ASTN2: variants seen among roughly 807,000 people sequenced by gnomAD.
ASTN2 encodes the protein astrotactin 2.
ASTN2 carries 54 observed loss-of-function variants against 139.8 expected under a neutral mutation model. That is an observed-to-expected ratio of 0.39 (90% CI 0.31 to 0.48). The LOEUF (loss-of-function observed/expected upper bound fraction) is 0.48, where lower values mean the gene tolerates loss of function less well. Ranked by LOEUF, ASTN2 falls within the 20% of genes least tolerant of loss-of-function variation. The pLI is 0.95. For missense variants in ASTN2, 1,565 were observed against 1,725.1 expected, an observed-to-expected ratio of 0.91 and a Z score of 1.64; for synonymous variants, 756 against 719.5, an observed-to-expected ratio of 1.05 and a Z score of -0.81.
At chr9:117,097,414 A>C (rs1828867438) in intron 4 of ASTN2, among the ~76,000 whole-genome samples, 1 of 152,188 alleles carries the variant, frequency 6.6e-6, no homozygotes, top group Non-Finnish European at 1.5e-5. Flanking sequence ...GGATTAGTAA[A>C]TTATTTACTC....
chr9:116,517,193 T>G (rs1850686533), intron 19 of ASTN2, among the ~76,000 whole-genome samples: 3 of 152,214 alleles, frequency 2.0e-5, no homozygotes, highest in Non-Finnish European at 1.5e-5. Context: ...ACCTCCTGGC[T>G]GGAAGCCAAC....
At chr9:117,189,700 G>T (rs74799709) in intron 3 of ASTN2, among the ~76,000 whole-genome samples, 33 of 152,100 alleles carry the variant, frequency 2.2e-4, no homozygotes, top group Non-Finnish European at 4.4e-4. Flanking sequence ...ACTGGACCCC[G>T]GTGTGTCTGG....
In ASTN2 at chr9:116,525,303, G is replaced by A. The variant is rs560681561; in HGVS notation, c.3356-37803C>T. ...CAGTAAAGGATTCAAGAGGTGACCT[G>A]ACTTTTTGGAACACATGTGGACAGT... On this transcript the variant is annotated intron_variant, in intron 19 of 22. Coordinates refer to ENST00000313400, the MANE Select transcript of ASTN2 (RefSeq NM_001365068.1). 7.1e-4 allele frequency among the ~76,000 whole-genome samples: 108 copies of A among 152,324 alleles called. 1 individual carries two copies. The South Asian group carries it at 0.012, about 17-fold the overall frequency.
chr9:116,559,352 T>C (rs1350575041), intron 19 of ASTN2, among the ~76,000 whole-genome samples: 3 of 152,222 alleles, frequency 2.0e-5, no homozygotes, highest in Non-Finnish European at 4.4e-5. Context: ...AACAAACATA[T>C]GCTGAATACA....
chr9:117,141,549 G>A (rs1275516961), intron 3 of ASTN2, 71 bp from the exon 4 acceptor site: 1 of 1,287,512 alleles, frequency 7.8e-7, no homozygotes, highest in Non-Finnish European at 1.0e-6. Context: ...TGGGGCTGAA[G>A]TTAGGGCTTG....
chr9:116,803,514 ATATATATATTTTT>A (rs1406310699), intron 13 of ASTN2, among the ~76,000 whole-genome samples: 5 of 7,706 alleles, frequency 6.5e-4, no homozygotes, highest in African/African-American at 1.5e-3. Flanking sequence ...ATATATATAT[ATATATATATTTTT>A]TTTTTTTTTT....
intron 1 of ASTN2, among the ~76,000 whole-genome samples, chr9:117,400,082 CTT>C (rs974807807): frequency 8.5e-5 from 13 of 152,212 alleles, no homozygotes; most frequent in African/African-American, 2.9e-4. Context: ...TCTCCTCTCT[CTT>C]GGAGTAGCCT....
intron 5 of ASTN2, among the ~76,000 whole-genome samples, chr9:117,073,926 G>A (rs1224872188): frequency 6.6e-6 from 1 of 152,124 alleles, no homozygotes; most frequent in Non-Finnish European, 1.5e-5. Context: ...AAATGGACTC[G>A]AGTCTATGGA....
chr9:116,762,964 C>T (rs1308151645), intron 13 of ASTN2, among the ~76,000 whole-genome samples: 1 of 152,228 alleles, frequency 6.6e-6, no homozygotes, highest in Non-Finnish European at 1.5e-5. Flanking sequence ...AACTGAGGCT[C>T]AGAGAAATTG....
At chr9:117,353,172 G>A (rs1829437165) in intron 1 of ASTN2, among the ~76,000 whole-genome samples, 1 of 152,004 alleles carries the variant, frequency 6.6e-6, no homozygotes, top group African/African-American at 2.4e-5. Flanking sequence ...CAAATTGTAT[G>A]TTACATATAT....
At chr9:117,252,638 T>C (rs991798918) in intron 2 of ASTN2, among the ~76,000 whole-genome samples, 3 of 152,212 alleles carry the variant, frequency 2.0e-5, no homozygotes, top group Non-Finnish European at 4.4e-5. Flanking sequence ...GGACTAGATA[T>C]GTCTTGTACT....
intron 13 of ASTN2, among the ~76,000 whole-genome samples, chr9:116,798,008 C>T (rs1269250363): frequency 1.3e-5 from 2 of 152,218 alleles, no homozygotes; most frequent in Non-Finnish European, 2.9e-5. Context: ...CAGTGACTCA[C>T]ATCTGTAACT....
At chr9:117,382,919 C>T (rs775847795) in intron 1 of ASTN2, among the ~76,000 whole-genome samples, 3 of 152,096 alleles carry the variant, frequency 2.0e-5, no homozygotes, top group Non-Finnish European at 4.4e-5. Context: ...GAAAAGATGT[C>T]AGAAACAAAA....
chr9:117,077,048 T>C (rs1828299979), intron 5 of ASTN2, among the ~76,000 whole-genome samples: 1 of 152,148 alleles, frequency 6.6e-6, no homozygotes, highest in South Asian at 2.1e-4. Flanking sequence ...CGCCCGGCTG[T>C]TGCCCTCTGC....
At chr9:116,684,982 C>T (rs1860111029) in intron 16 of ASTN2, among the ~76,000 whole-genome samples, 1 of 152,166 alleles carries the variant, frequency 6.6e-6, no homozygotes, top group Admixed American at 6.5e-5. Context: ...CAGTAACAAC[C>T]CTATCCCAAA....
intron 10 of ASTN2, among the ~76,000 whole-genome samples, chr9:116,872,876 T>C (rs1206024242): frequency 6.6e-6 from 1 of 152,104 alleles, no homozygotes. Flanking sequence ...AGGTGAGATA[T>C]GGCAAAGGCT....
intron 22 of ASTN2, among the ~76,000 whole-genome samples, chr9:116,434,517 G>A (rs1030161052): frequency 6.6e-6 from 1 of 152,180 alleles, no homozygotes; most frequent in African/African-American, 2.4e-5. Context: ...CGATCTATTC[G>A]TAATGTCTGC....
intron 10 of ASTN2, among the ~76,000 whole-genome samples, chr9:116,920,924 C>A (rs2132435462): frequency 6.6e-6 from 1 of 152,266 alleles, no homozygotes; most frequent in East Asian, 1.9e-4. Flanking sequence ...AGGAAATATC[C>A]ATCTGTTTTA....
intron 19 of ASTN2, among the ~76,000 whole-genome samples, chr9:116,493,437 G>A (rs1160229452): frequency 2.0e-5 from 3 of 152,126 alleles, no homozygotes; most frequent in Admixed American, 1.3e-4. Context: ...GCTGTAACCC[G>A]AGTGGGCTGG....
Sources: allele counts gnomAD v4.1 joint callset (sites outside exome capture counted in the v4.1 genomes callset), GRCh38; gene constraint gnomAD v4.1.1; transcripts MANE v1.5; gene names NCBI Gene and HGNC (gene_info 2026-07-23, HGNC 2026-07-21).